The following C5orf15 variants were observed in gnomAD, a reference collection of about 807,000 sequenced individuals.
C5orf15 encodes the protein chromosome 5 open reading frame 15.
In C5orf15, 10 loss-of-function variants were observed where a neutral mutation model predicts 17.8. The observed-to-expected ratio is 0.56, with a 90% CI of 0.35 to 0.95. C5orf15 has a LOEUF of 0.95. Ranked by LOEUF, C5orf15 falls within the 40% of genes least tolerant of loss-of-function variation. The probability of loss-of-function intolerance (pLI) is 0.02; values close to 1 mark genes in which losing one functional copy is unlikely to be tolerated. For missense variants in C5orf15, 319 were observed against 331.7 expected, an observed-to-expected ratio of 0.96 and a Z score of 0.30; for synonymous variants, 124 against 131.0, an observed-to-expected ratio of 0.95 and a Z score of 0.36.
intron 2 of C5orf15, among the ~76,000 whole-genome samples, chr5:133,958,901 TA>T (rs953224614): frequency 4.7e-4 from 70 of 150,096 alleles, no homozygotes; most frequent in East Asian, 3.7e-3. Context: ...CATAAACTCT[TA>T]AAAAAAAAAT....
chr5:133,968,175 C>T (rs555128813), intron 1 of C5orf15, among the ~76,000 whole-genome samples: 17 of 151,726 alleles, frequency 1.1e-4, no homozygotes, highest in African/African-American at 4.1e-4. Context: ...CCACTCCTCC[C>T]TCCCCGCCCA....
intron 1 of C5orf15, among the ~76,000 whole-genome samples, chr5:133,960,280 CAAAAG>C (rs1319780420): frequency 3.3e-5 from 5 of 152,048 alleles, no homozygotes; most frequent in African/African-American, 4.8e-5. Flanking sequence ...AGCCTGCCAC[CAAAAG>C]AAAAGAAAAA....
chr5:133,956,415 CCAAAGCATTAT>C lies in C5orf15; in HGVS notation c.*433_*443del, dbSNP rs1277431645. On this transcript the variant is annotated 3_prime_UTR_variant, in exon 3 of 3. Coordinates refer to ENST00000231512, the MANE Select transcript of C5orf15 (RefSeq NM_020199.3). Reference sequence around the variant, plus strand: ...GAAGAAAAAAAAATATTACTCAAATCCAAAGCATTATCACACATATCCTTGTACATTACAGT... The same window carrying C: ...GAAGAAAAAAAAATATTACTCAAATCCACACATATCCTTGTACATTACAGT... 6.6e-6 allele frequency: 1 copy of C among 152,490 alleles called. No individual in the cohort carries two copies. The highest frequency in any genetic ancestry group is 1.5e-5 in the Non-Finnish European group (1 of 68,032). 9.4% of individuals were successfully genotyped at this position (152,490 alleles called of 1,614,324 possible).
chr5:133,966,802 G>C (rs2126879204), intron 1 of C5orf15, among the ~76,000 whole-genome samples: 1 of 152,270 alleles, frequency 6.6e-6, no homozygotes, highest in African/African-American at 2.4e-5. Flanking sequence ...AGACATGTAT[G>C]TTCGTTTTCA....
chr5:133,967,644 C>A (rs1240183264), intron 1 of C5orf15, among the ~76,000 whole-genome samples: 1 of 152,158 alleles, frequency 6.6e-6, no homozygotes, highest in East Asian at 1.9e-4. Flanking sequence ...TCAATCAAAT[C>A]CTACAGATGC....
chr5:133,963,153 T>C (rs942031020), intron 1 of C5orf15, among the ~76,000 whole-genome samples: 7 of 152,378 alleles, frequency 4.6e-5, no homozygotes, highest in Non-Finnish European at 1.0e-4. Context: ...ATTAAAATTG[T>C]TGGCAATCAT....
chr5:133,965,478 T>C (rs183532553), intron 1 of C5orf15, among the ~76,000 whole-genome samples: 117 of 152,310 alleles, frequency 7.7e-4, no homozygotes, highest in African/African-American at 2.7e-3. Context: ...ATCAGAGAAG[T>C]TGATTAAGTC....
Position 133,956,971 on chromosome 5 carries a change from C to A in C5orf15, c.686G>T (p.Ser229Ile). The change falls in exon 3 of 3, where the codon AGC (serine) becomes ATC (isoleucine). Residue 229 changes from serine (S) to isoleucine (I), a missense_variant. By Grantham distance (142) the Ser-to-Ile change is moderately radical. This residue lies in a region of C5orf15 where 175 missense variants were observed against 192.4 expected (regional missense o/e 0.91). Transcript: ENST00000231512. ...NKRKIFLLVQ[S>I]RKWRDGLCSK... ...ACAAAGGCCATCACGCCATTTCCTGCTTTGAACCAGAAGAAAAATCTGGAA... is the reference window on the plus strand; with the variant it reads ...ACAAAGGCCATCACGCCATTTCCTGATTTGAACCAGAAGAAAAATCTGGAA... The A allele has an allele frequency of 6.2e-7, 1 of 1,609,590 alleles. No homozygotes were observed. The highest frequency in any genetic ancestry group is 1.3e-5 in the African/African-American group (1 of 74,844).
At chr5:133,961,664 T>C (rs1476980110) in intron 1 of C5orf15, among the ~76,000 whole-genome samples, 2 of 151,608 alleles carry the variant, frequency 1.3e-5, no homozygotes, top group Non-Finnish European at 2.9e-5. Context: ...TAGCTCACTG[T>C]AGCCTCGACC....
Position 133,960,726 on chromosome 5 carries a change from C to T in C5orf15, c.140-706G>A, listed in dbSNP as rs143234193. 4.6e-5 allele frequency among the ~76,000 whole-genome samples: 7 copies of T among 152,268 alleles called. No homozygotes were observed. The East Asian group carries it at 1.4e-3, about 29-fold the overall frequency. ...GGTATAGCAAATGACACCAAATACA[C>T]ACACATTCTTATTTCCCTGTGCTGC... On this transcript the variant is annotated intron_variant, in intron 1 of 2. Coordinates refer to ENST00000231512, the MANE Select transcript of C5orf15 (RefSeq NM_020199.3).
chr5:133,961,088 A>G (rs1024924548), intron 1 of C5orf15, among the ~76,000 whole-genome samples: 2 of 152,002 alleles, frequency 1.3e-5, no homozygotes, highest in East Asian at 1.9e-4. Flanking sequence ...CAAGTTAACA[A>G]TCCAACAGAC....
intron 2 of C5orf15, 47 bp from the exon 3 acceptor site, chr5:133,957,037 A>G (rs745377454): frequency 7.0e-7 from 1 of 1,438,528 alleles, no homozygotes; most frequent in Non-Finnish European, 9.6e-7. Context: ...AACAGAGAAT[A>G]TGGTAAACAT....
At chr5:133,963,954 C>T (rs376721676) in intron 1 of C5orf15, among the ~76,000 whole-genome samples, 15 of 152,302 alleles carry the variant, frequency 9.8e-5, no homozygotes, top group East Asian at 9.6e-4. Flanking sequence ...ACTGGTGGCT[C>T]ACACCTGTAA....
intron 2 of C5orf15, among the ~76,000 whole-genome samples, chr5:133,958,545 C>G (rs1752069668): frequency 7.3e-6 from 1 of 136,156 alleles, no homozygotes; most frequent in Non-Finnish European, 1.5e-5. Context: ...CCACTGCTCT[C>G]CAGCCTGGGA....
chr5:133,961,772 A>ATT (rs55963520), intron 1 of C5orf15, among the ~76,000 whole-genome samples: 6 of 141,730 alleles, frequency 4.2e-5, no homozygotes, highest in Admixed American at 7.1e-5. Context: ...GCCATATGCA[A>ATT]TTTTTTTTTT....
intron 1 of C5orf15, among the ~76,000 whole-genome samples, chr5:133,964,430 G>A (rs1365691786): frequency 6.6e-6 from 1 of 152,042 alleles, no homozygotes; most frequent in African/African-American, 2.4e-5. Context: ...GAGGGAAGTG[G>A]GGTGGCTTTA....
rs1752229181 is a variant in C5orf15, at chr5:133,968,501, C to A, written c.84G>T (p.Gly28=). 2.5e-6 allele frequency: 4 copies of A among 1,606,858 alleles called. No homozygotes were observed. The African/African-American group carries it at 4.0e-5, about 16-fold the overall frequency. The change falls in exon 1 of 3, where the codon GGG becomes GGT. Residue 28 remains glycine (G), a synonymous_variant. Transcript: ENST00000231512. ...LPGSAIQALV[G]LARPLVLALL... ...GCGCCAAGACCAGCGGCCGCGCCAACCCCACAAGGGCTTGGATGGCCGACC... is the reference window on the plus strand; with the variant it reads ...GCGCCAAGACCAGCGGCCGCGCCAAACCCACAAGGGCTTGGATGGCCGACC...
At chr5:133,961,755 G>T (rs543932340) in intron 1 of C5orf15, among the ~76,000 whole-genome samples, 2 of 150,434 alleles carry the variant, frequency 1.3e-5, no homozygotes, top group African/African-American at 4.9e-5. Flanking sequence ...TCATATATTT[G>T]TCCAATGCCA....
intron 1 of C5orf15, among the ~76,000 whole-genome samples, chr5:133,960,649 C>G (rs775811291): frequency 6.6e-6 from 1 of 152,074 alleles, no homozygotes; most frequent in South Asian, 2.1e-4. Flanking sequence ...GAAACGGGAA[C>G]CTGAGAGCTA....
Sources: gnomAD v4.1 joint callset for allele counts (sites outside exome capture counted in the v4.1 genomes callset) on GRCh38, gnomAD v4.1.1 for gene constraint, gnomAD v4.1.1 regional missense constraint, MANE v1.5 for transcripts, NCBI Gene and HGNC (gene_info 2026-07-23, HGNC 2026-07-21) for gene names.